ADK: variants seen among roughly 807,000 people sequenced by gnomAD.
The protein encoded by ADK is N6,N6-dimethyladenosine kinase.
A neutral mutation model predicts 44.7 loss-of-function variants in ADK; 24 were observed. The ratio of observed to expected loss-of-function variants is 0.54; its 90% confidence interval spans 0.39 to 0.76. The LOEUF (loss-of-function observed/expected upper bound fraction) is 0.76, where lower values mean the gene tolerates loss of function less well. Ranked by LOEUF, ADK falls within the 30% of genes least tolerant of loss-of-function variation. The pLI is 0.00. For missense variants in ADK, 321 were observed against 425.1 expected, an observed-to-expected ratio of 0.76 and a Z score of 2.15; for synonymous variants, 128 against 142.6, an observed-to-expected ratio of 0.90 and a Z score of 0.73.
intron 3 of ADK, among the ~76,000 whole-genome samples, chr10:74,227,846 A>G (rs1190400669): frequency 6.6e-6 from 1 of 152,022 alleles, no homozygotes; most frequent in Non-Finnish European, 1.5e-5. Context: ...CTGTCTCAAA[A>G]AAAAGAAAAA....
intron 9 of ADK, among the ~76,000 whole-genome samples, chr10:74,669,826 A>G (rs1211412777): frequency 6.6e-6 from 1 of 152,194 alleles, no homozygotes; most frequent in Non-Finnish European, 1.5e-5. Flanking sequence ...GCTTTTTTAG[A>G]AACCCATGAT....
In ADK at chr10:74,312,914, CA is replaced by C. The variant is rs56052959; in HGVS notation, c.195-1727del. On this transcript the variant is annotated intron_variant, in intron 3 of 10. Coordinates refer to ENST00000539909, the MANE Select transcript of ADK (RefSeq NM_006721.4). ...GGATGAAAAAGGAAGATTCTGTCTC[CA>C]AAAAAAAAAAAAAAAAAAAAAAAAA... 5.4e-3 allele frequency among the ~76,000 whole-genome samples: 205 copies of C among 37,814 alleles called. 1 individual carries two copies. Among genetic ancestry groups the C allele is most frequent in the African/African-American group, 0.019 (193 of 10,196 alleles). The allele number at this position is 37,814 out of a possible 152,430, so 24.8% of individuals were successfully genotyped here.
At chr10:74,502,195 TTTC>T (rs1469814342) in intron 6 of ADK, among the ~76,000 whole-genome samples, 1 of 152,154 alleles carries the variant, frequency 6.6e-6, no homozygotes. Flanking sequence ...AGCCCAGTGA[TTTC>T]TTTTTAAACT....
chr10:74,228,044 A>G (rs770647394), intron 3 of ADK, among the ~76,000 whole-genome samples: 3 of 152,138 alleles, frequency 2.0e-5, no homozygotes, highest in Non-Finnish European at 4.4e-5. Flanking sequence ...ATAAGAGAGT[A>G]CAATGATAGT....
At chr10:74,187,978 C>T (rs7094284) in intron 1 of ADK, among the ~76,000 whole-genome samples, 117 of 152,172 alleles carry the variant, frequency 7.7e-4, no homozygotes, top group African/African-American at 2.7e-3. Flanking sequence ...TCAGTGCAGC[C>T]GTGTGGGCCT....
intron 3 of ADK, among the ~76,000 whole-genome samples, chr10:74,265,816 G>A (rs1001846595): frequency 6.6e-6 from 1 of 152,130 alleles, no homozygotes; most frequent in African/African-American, 2.4e-5. Context: ...GGGTCATATG[G>A]GTAGTAATCA....
chr10:74,611,515 T>C (rs1852544106), intron 9 of ADK, among the ~76,000 whole-genome samples: 1 of 151,580 alleles, frequency 6.6e-6, no homozygotes, highest in South Asian at 2.1e-4. Flanking sequence ...AATTTTAGAA[T>C]TGGGGGAGGG....
chr10:74,329,976 A>T (rs1841161530), intron 4 of ADK, among the ~76,000 whole-genome samples: 1 of 150,838 alleles, frequency 6.6e-6, no homozygotes, highest in African/African-American at 2.4e-5. Flanking sequence ...AGCCTGGGCA[A>T]CATGACAAAA....
intron 3 of ADK, among the ~76,000 whole-genome samples, chr10:74,284,351 CCCT>C (rs1457719658): frequency 6.6e-6 from 1 of 150,780 alleles, no homozygotes; most frequent in Non-Finnish European, 1.5e-5. Context: ...CGTGGCCTCT[CCCT>C]CCCAGGTTCA....
At chr10:74,304,257 G>A (rs1840174733) in intron 3 of ADK, among the ~76,000 whole-genome samples, 1 of 151,332 alleles carries the variant, frequency 6.6e-6, no homozygotes, top group Non-Finnish European at 1.5e-5. Context: ...TTTTTTTTAA[G>A]GTGGTAGCCC....
chr10:74,323,547 C>T (rs2131827845), intron 4 of ADK, among the ~76,000 whole-genome samples: 1 of 151,998 alleles, frequency 6.6e-6, no homozygotes. Context: ...TCACCACAGT[C>T]AGTTTCACAA....
At chr10:74,580,838 A>G (rs1851349865) in intron 7 of ADK, among the ~76,000 whole-genome samples, 1 of 152,112 alleles carries the variant, frequency 6.6e-6, no homozygotes, top group African/African-American at 2.4e-5. Context: ...TCCAATCAAA[A>G]ATTACCTTTC....
rs566453705 is a variant in ADK, at chr10:74,478,991, T to C, written c.556-46265T>C. Among the ~76,000 whole-genome samples, 5 of 152,276 alleles carry C rather than the reference T, an allele frequency of 3.3e-5. No homozygotes were observed. The South Asian group carries it at 1.0e-3, about 32-fold the overall frequency. ...TATTTCTAGAAAGTTCTTCCACATG[T>C]ATCTTTTTTTAAAAAATATTTTTTT... On this transcript the variant is annotated intron_variant, in intron 6 of 10. Transcript: ENST00000539909.
intron 1 of ADK, among the ~76,000 whole-genome samples, chr10:74,195,091 A>C (rs867101949): frequency 3.4e-3 from 57 of 16,736 alleles, no homozygotes; most frequent in African/African-American, 8.6e-3. Context: ...TCCCCCCCCC[A>C]AAAAAAAAAG....
chr10:74,528,908 G>A (rs1849170332), intron 7 of ADK, among the ~76,000 whole-genome samples: 1 of 152,146 alleles, frequency 6.6e-6, no homozygotes, highest in Non-Finnish European at 1.5e-5. Context: ...AAACACTTGT[G>A]TATTGCTGGT....
At chr10:74,334,534 C>T (rs1043563882) in intron 4 of ADK, among the ~76,000 whole-genome samples, 2 of 152,122 alleles carry the variant, frequency 1.3e-5, no homozygotes, top group African/African-American at 2.4e-5. Context: ...TTTTCTTTGA[C>T]TGAGGAGTCT....
At chr10:74,194,220 G>C (rs1424775801) in intron 1 of ADK, among the ~76,000 whole-genome samples, 1 of 152,116 alleles carries the variant, frequency 6.6e-6, no homozygotes, top group African/African-American at 2.4e-5. Flanking sequence ...AAGGAAGCAG[G>C]AGAAGAACTT....
At chr10:74,300,346 CCTTCCTTCCTTCCTTTCTTT>C (rs1839985126) in intron 3 of ADK, among the ~76,000 whole-genome samples, 6 of 65,092 alleles carry the variant, frequency 9.2e-5, no homozygotes, top group Non-Finnish European at 1.8e-4. Flanking sequence ...TTCCTTCCTT[CCTTCCTTCCTTCCTTTCTTT>C]CTTTCTTCTT....
chr10:74,319,342 G>A (rs1840734848), intron 4 of ADK, among the ~76,000 whole-genome samples: 1 of 152,142 alleles, frequency 6.6e-6, no homozygotes, highest in Non-Finnish European at 1.5e-5. Context: ...TTGACACCTT[G>A]ATTCCTTCAG....
Sources: gnomAD v4.1 joint callset for allele counts (sites outside exome capture counted in the v4.1 genomes callset) on GRCh38, gnomAD v4.1.1 for gene constraint, MANE v1.5 for transcripts, NCBI Gene and HGNC (gene_info 2026-07-23, HGNC 2026-07-21) for gene names.